MYO19: variants seen among roughly 807,000 people sequenced by gnomAD.
The protein encoded by MYO19 is unconventional myosin-XIX.
In MYO19, 132 loss-of-function variants were observed where a neutral mutation model predicts 129.2. The ratio of observed to expected loss-of-function variants is 1.02; its 90% CI spans 0.89 to 1.18. The LOEUF (loss-of-function observed/expected upper bound fraction) is 1.18, where lower values mean the gene tolerates loss of function less well. Ranked by LOEUF, MYO19 falls within the 50% of genes most tolerant of loss-of-function variation. The probability of loss-of-function intolerance (pLI) is 0.00; values close to 1 mark genes in which losing one functional copy is unlikely to be tolerated. For synonymous variants in MYO19, 531 were observed against 477.2 expected (o/e 1.11, Z -1.47); for missense variants, 1,210 against 1,216.7 (o/e 0.99, Z 0.08).
At position 36,501,400 on chromosome 17, in the gene MYO19, C is replaced by G. The variant is rs929857513; in HGVS notation, c.2081-165G>C. On this transcript the variant is annotated intron_variant, in intron 21 of 25. Transcript: ENST00000614623. ...TTCTTTTGGAGGAAGCCACAAACAGCCTCTCTGTTGTCCCTCAGGGTGCTA... is the reference window on the plus strand; with the variant it reads ...TTCTTTTGGAGGAAGCCACAAACAGGCTCTCTGTTGTCCCTCAGGGTGCTA... 7.0e-6 allele frequency: 5 copies of G among 716,072 alleles called. No individual in the cohort carries two copies. In the African/African-American group the frequency reaches 7.1e-5, roughly 10 times the overall value. 44.4% of individuals were successfully genotyped at this position (716,072 alleles called of 1,614,324 possible).
chr17:36,534,584 G>A (rs2074020777), intron 1 of MYO19, 177 bp downstream of exon 1: 1 of 152,348 alleles, frequency 6.6e-6, no homozygotes, highest in African/African-American at 2.4e-5. Context: ...CAAGAGCTGG[G>A]CTACCCCCTC....
chr17:36,499,660 GTTTCTTTTTTTTTTTT>G (rs2071344069), intron 23 of MYO19: 1 of 54,476 alleles, frequency 1.8e-5, no homozygotes, highest in African/African-American at 7.8e-5. Context: ...TTTTCTTTTT[GTTTCTTTTTTTTTTTT>G]TTTTTTTTTT....
At chr17:36,496,476 A>G in intron 25 of MYO19, 70 bp from the exon 26 acceptor site, 1 of 1,490,516 alleles carries the variant, frequency 6.7e-7, no homozygotes, top group Non-Finnish European at 9.2e-7. Context: ...AACCCCACAG[A>G]GCAGACGCTA....
chr17:36,517,180 G>C (rs2072811056), intron 6 of MYO19, among the ~76,000 whole-genome samples: 1 of 152,112 alleles, frequency 6.6e-6, no homozygotes, highest in Non-Finnish European at 1.5e-5. Flanking sequence ...CTATATTGAT[G>C]TCTACTCCTT....
rs1215152890 is a variant in MYO19 at position 36,507,480 on chromosome 17, T to G, written c.1386A>C (p.Ser462=). ...EEYAVEGLEW[S]FINYQDNQPC... ...GCTGGTTGTCCTGGTAGTTGATGAA[T>G]GACCACTCCAGGCCCTCAACTGCGT... Residue 462 remains serine (S), a synonymous_variant, in exon 16 of 26, where the codon TCA becomes TCC. Transcript: ENST00000614623. The G allele has an allele frequency of 1.9e-6, 3 of 1,613,752 alleles. No homozygotes were observed. The highest frequency in any genetic ancestry group is 1.7e-4 in the Middle Eastern group (1 of 6,006).
chr17:36,500,540 C>T, intron 23 of MYO19: 1 of 393,340 alleles, frequency 2.5e-6, no homozygotes, highest in Non-Finnish European at 4.6e-6. Context: ...AAAAAGTTGG[C>T]CTAAACAGCT....
chr17:36,496,355 A>T lies in MYO19; in HGVS notation c.2809T>A (p.Cys937Ser). ...ATGCTGTAGGGTGAAGGTTCAGGGC[A>T]GATGTCAGCATACCGCAGTGGAGAC... ...RKSPLRYADICPEPSPYSITG... is the reference protein window; with the variant it reads ...RKSPLRYADISPEPSPYSITG... Residue 937 changes from cysteine to serine, a missense_variant, in exon 26 of 26, where the codon TGC becomes AGC. Physicochemically the swap from Cys to Ser is moderately radical, Grantham distance 112. Coordinates refer to ENST00000614623, the MANE Select transcript of MYO19 (RefSeq NM_001163735.2). The T allele has an allele frequency of 1.7e-5, 28 of 1,614,042 alleles. No homozygotes were observed. The highest frequency in any genetic ancestry group is 2.4e-5 in the Non-Finnish European group (28 of 1,179,898).
chr17:36,539,960 TG>T (rs913880419), intron 2 of MYO19, among the ~76,000 whole-genome samples: 2 of 151,314 alleles, frequency 1.3e-5, no homozygotes, highest in African/African-American at 2.4e-5. Flanking sequence ...GTCTGGGGGC[TG>T]GGGGGCAAAT....
Position 36,525,260 on chromosome 17 carries a change from T to TA in MYO19, c.381dup (p.Ile128TyrfsTer64). ...GCACCACTCTCTCCACTGACAACAA[T>TA]AGACTGGTTGACTGGTTCAATCAGG... On this transcript the variant is annotated frameshift_variant, in exon 6 of 26. Coordinates refer to ENST00000614623, the MANE Select transcript of MYO19 (RefSeq NM_001163735.2). LOFTEE classifies it high-confidence loss of function. 2 of 1,613,882 alleles carry TA rather than the reference T, an allele frequency of 1.2e-6. No homozygotes were observed. The highest frequency in any genetic ancestry group is 1.7e-6 in the Non-Finnish European group (2 of 1,179,776).
intron 21 of MYO19, chr17:36,502,669 A>T: frequency 5.5e-6 from 1 of 182,684 alleles, no homozygotes; most frequent in Non-Finnish European, 1.1e-5. Flanking sequence ...TCCTTGATGG[A>T]GCCCTACCTG....
At chr17:36,496,591 A>C (rs1418836444) in intron 25 of MYO19, among the ~76,000 whole-genome samples, 185 bp from the exon 26 acceptor site, 2 of 152,164 alleles carry the variant, frequency 1.3e-5, no homozygotes, top group Non-Finnish European at 2.9e-5. Context: ...CCCTAGGAGG[A>C]GGCGCTCCCT....
upstream of MYO19, chr17:36,535,007 A>C (rs1258206075): frequency 1.3e-5 from 2 of 152,364 alleles, no homozygotes; most frequent in African/African-American, 4.8e-5. Flanking sequence ...CGGGGCGCGC[A>C]CGTGGCTTGG....
At chr17:36,507,644 T>C (rs1183751722) in intron 15 of MYO19, 132 bp from the exon 16 acceptor site, 1 of 1,286,534 alleles carries the variant, frequency 7.8e-7, no homozygotes, top group Non-Finnish European at 1.1e-6. Flanking sequence ...TATCAAAACA[T>C]TACATTGTAC....
In MYO19 at chr17:36,498,171, G is replaced by A. The variant is rs531394270; in HGVS notation, c.2757+95C>T. ...CCCAGTAGGGTTAGGGATGGATCTT[G>A]TCCCAGCCTCAGTCTCATTCCCGCT... is the stretch of plus-strand genomic sequence containing the variant. On this transcript the variant is annotated intron_variant, in intron 25 of 25. Coordinates refer to ENST00000614623, the MANE Select transcript of MYO19 (RefSeq NM_001163735.2). The A allele has an allele frequency of 7.0e-5, 99 of 1,405,692 alleles. No homozygotes were observed. The African/African-American group carries it at 1.3e-3, about 18-fold the overall frequency. The allele number at this position is 1,405,692 out of a possible 1,614,324, so 87.1% of individuals were successfully genotyped here.
chr17:36,516,415 G>T (rs1200284504), intron 6 of MYO19, among the ~76,000 whole-genome samples: 1 of 152,040 alleles, frequency 6.6e-6, no homozygotes, highest in African/African-American at 2.4e-5. Flanking sequence ...TTGCCTCCCA[G>T]GCTGGAGTGC....
intron 1 of MYO19, among the ~76,000 whole-genome samples, chr17:36,542,470 C>T (rs1272516446): frequency 6.6e-6 from 1 of 151,996 alleles, no homozygotes. Context: ...GAGGCCGAGG[C>T]GGGCGGATCA....
In MYO19 at chr17:36,498,317, GA is replaced by G. The variant is rs750771611; in HGVS notation, c.2705del (p.Val902AlafsTer21). The part of the protein sequence containing the change: ...LPRGSPSSYT[V>X]QTAQDQAGVT... ...CACCAGCCTGGTCTTGTGCTGTCTGGACAGTGTAGCTACTGGGGCTGCCCCT... is the reference window on the plus strand; with the variant it reads ...CACCAGCCTGGTCTTGTGCTGTCTGGCAGTGTAGCTACTGGGGCTGCCCCT... On this transcript the variant is annotated frameshift_variant, in exon 25 of 26. Transcript: ENST00000614623. LOFTEE classifies it high-confidence loss of function. 11 of 1,613,970 alleles carry G rather than the reference GA, an allele frequency of 6.8e-6. No homozygotes were observed. The highest frequency in any genetic ancestry group is 8.5e-6 in the Non-Finnish European group (10 of 1,179,900).
At chr17:36,518,099 A>G (rs1208223301) in intron 6 of MYO19, among the ~76,000 whole-genome samples, 1 of 151,748 alleles carries the variant, frequency 6.6e-6, no homozygotes, top group South Asian at 2.1e-4. Flanking sequence ...AAAAAAAAAA[A>G]AAAAGAGGTA....
intron 18 of MYO19, 135 bp from the exon 19 acceptor site, chr17:36,505,539 G>T: frequency 3.1e-6 from 2 of 640,454 alleles, no homozygotes; most frequent in Non-Finnish European, 5.5e-6. Flanking sequence ...CTCCTGTGCA[G>T]GGATGACTGC....
Sources: allele counts gnomAD v4.1 joint callset (sites outside exome capture counted in the v4.1 genomes callset), GRCh38; gene constraint gnomAD v4.1.1; transcripts MANE v1.5; gene names NCBI Gene and HGNC (gene_info 2026-07-23, HGNC 2026-07-21).